Variants in RFC5 observed in about 807,000 individuals in gnomAD.
The protein encoded by RFC5 is A1 36 kDa subunit.
In RFC5, 26 loss-of-function variants were observed where a neutral mutation model predicts 44.3. That is an observed-to-expected ratio of 0.59 (90% CI 0.43 to 0.81). The LOEUF (loss-of-function observed/expected upper bound fraction) is 0.81. Ranked by LOEUF, RFC5 falls within the 40% of genes least tolerant of loss-of-function variation. The pLI, the probability that RFC5 is intolerant of heterozygous loss-of-function variation, is 0.00. For synonymous variants in RFC5, 155 were observed against 155.2 expected (o/e 1.00, Z 0.01); for missense variants, 328 against 418.6 (o/e 0.78, Z 1.89).
At chr12:118,033,992 C>T, downstream of RFC5, 1 of 654,026 alleles carries the variant, frequency 1.5e-6, no homozygotes, top group Non-Finnish European at 2.6e-6. Flanking sequence ...CAAGTGGAAT[C>T]TCTTCCTCTA....
chr12:118,017,334 G>T (rs1281875648), intron 1 of RFC5, among the ~76,000 whole-genome samples: 1 of 152,234 alleles, frequency 6.6e-6, no homozygotes, highest in African/African-American at 2.4e-5. Flanking sequence ...CAGACGCCCT[G>T]TTAGATGTTC....
In RFC5 at chr12:118,031,357, C is replaced by T; in HGVS notation, c.*79C>T. 1.1e-6 allele frequency: 1 copy of T among 952,102 alleles called. No individual in the cohort carries two copies. Among genetic ancestry groups the T allele is most frequent in the Non-Finnish European group, 1.6e-6 (1 of 610,888 alleles). The allele number at this position is 952,102 out of a possible 1,614,324, so 59.0% of individuals were successfully genotyped here. A position where few individuals can be genotyped will look rare whatever the true frequency, so the allele number is the denominator to read the frequency against. On this transcript the variant is annotated 3_prime_UTR_variant, in exon 11 of 11. Transcript: ENST00000454402. Reference sequence around the variant, plus strand: ...AGGACAGTTCCAGGATAAACTGCTGCCTGGGGCTGTGGGATGAATCAGTCA... The same window carrying T: ...AGGACAGTTCCAGGATAAACTGCTGTCTGGGGCTGTGGGATGAATCAGTCA...
chr12:118,035,302 T>G (rs1216799403), downstream of RFC5: 2 of 1,614,184 alleles, frequency 1.2e-6, no homozygotes, highest in Admixed American at 1.7e-5. Flanking sequence ...CTGTCATCCA[T>G]GGCGGGGTCA....
At chr12:118,022,153 C>A in intron 4 of RFC5, 133 bp from the exon 5 acceptor site, 2 of 694,128 alleles carry the variant, frequency 2.9e-6, no homozygotes, top group East Asian at 2.7e-5. Context: ...AAGATGTCTG[C>A]CTTGGCCAAA....
chr12:118,018,163 T>A (rs2030231641), intron 1 of RFC5: 2 of 597,306 alleles, frequency 3.3e-6, no homozygotes, highest in Non-Finnish European at 6.1e-6. Context: ...TAATTTCTTG[T>A]TATGGCTGAA....
chr12:118,029,970 G>A (rs2031210240), intron 10 of RFC5, 145 bp downstream of exon 10: 1 of 695,252 alleles, frequency 1.4e-6, no homozygotes, highest in African/African-American at 1.8e-5. Context: ...TGAATGGAAT[G>A]TGGGGAAGGG....
intron 8 of RFC5, 132 bp downstream of exon 8, chr12:118,027,150 A>T: frequency 1.1e-6 from 1 of 876,926 alleles, no homozygotes; most frequent in Admixed American, 2.2e-5. Context: ...TTGTTGTGGG[A>T]GTGAGATGTC....
intron 8 of RFC5, 120 bp downstream of exon 8, chr12:118,027,138 GC>G: frequency 4.0e-6 from 4 of 1,006,888 alleles, no homozygotes; most frequent in Non-Finnish European, 6.0e-6. Context: ...ACTCTGGTCA[GC>G]TTGTTGTGGG....
intron 1 of RFC5, chr12:118,017,674 T>A: frequency 1.0e-6 from 1 of 1,001,298 alleles, no homozygotes; most frequent in Admixed American, 3.8e-5. Flanking sequence ...TGTATTTACG[T>A]ATTTTTTTTT....
At chr12:118,036,618 C>T (rs539228233), downstream of RFC5, 23 of 1,197,066 alleles carry the variant, frequency 1.9e-5, no homozygotes, top group East Asian at 5.2e-4. Context: ...GCAGCCAGGG[C>T]TGATTCTCTA....
intron 5 of RFC5, 121 bp downstream of exon 5, chr12:118,022,480 T>C (rs1283013670): frequency 7.2e-6 from 5 of 695,612 alleles, no homozygotes; most frequent in South Asian, 7.0e-5. Context: ...TTTTTCTTTT[T>C]TTGAGTCAGA....
intron 1 of RFC5, among the ~76,000 whole-genome samples, chr12:118,018,284 A>C (rs1250151012): frequency 6.6e-6 from 1 of 152,212 alleles, no homozygotes; most frequent in Non-Finnish European, 1.5e-5. Context: ...GGTGCCCATC[A>C]GGTTGAGATT....
downstream of RFC5, among the ~76,000 whole-genome samples, chr12:118,037,678 A>AAAAGAAAAG: frequency 6.6e-6 from 1 of 151,462 alleles, no homozygotes; most frequent in South Asian, 2.1e-4. Context: ...AAAAAAAAAA[A>AAAAGAAAAG]AAAAGAAAAG....
At chr12:118,029,934 T>A in intron 10 of RFC5, 109 bp downstream of exon 10, 1 of 816,530 alleles carries the variant, frequency 1.2e-6, no homozygotes, top group Non-Finnish European at 2.1e-6. Flanking sequence ...ATCGTTCACA[T>A]ACGGTACAAT....
At chr12:118,030,542 C>A (rs903467355) in intron 10 of RFC5, among the ~76,000 whole-genome samples, 1 of 152,170 alleles carries the variant, frequency 6.6e-6, no homozygotes, top group African/African-American at 2.4e-5. Context: ...TCCCTCTTAA[C>A]GTATTTTGCC....
chr12:118,022,808 G>A (rs2030605943), intron 5 of RFC5, among the ~76,000 whole-genome samples: 1 of 152,126 alleles, frequency 6.6e-6, no homozygotes, highest in Admixed American at 6.5e-5. Context: ...GTGAGATATG[G>A]CTTGGCTTGT....
downstream of RFC5, chr12:118,034,943 C>G: frequency 6.3e-7 from 1 of 1,580,778 alleles, no homozygotes; most frequent in Non-Finnish European, 8.7e-7. Flanking sequence ...ATGGTATACT[C>G]AGCAGAAAGC....
the RFC5 span, among the ~76,000 whole-genome samples, chr12:118,041,277 T>A: frequency 6.6e-6 from 1 of 152,088 alleles, no homozygotes; most frequent in African/African-American, 2.4e-5. Context: ...TTAGTGCCCT[T>A]AGAAGAAGAG....
At chr12:118,034,909 T>C, downstream of RFC5, 2 of 1,389,628 alleles carry the variant, frequency 1.4e-6, no homozygotes, top group Admixed American at 2.1e-5. Flanking sequence ...AAATTCTAGA[T>C]GGTTTCTTTC....
Sources: allele counts gnomAD v4.1 joint callset (sites outside exome capture counted in the v4.1 genomes callset), GRCh38; gene constraint gnomAD v4.1.1; transcripts MANE v1.5; gene names NCBI Gene and HGNC (gene_info 2026-07-23, HGNC 2026-07-21).